Variants in SIDT2 observed in about 807,000 individuals in gnomAD.
SIDT2 encodes the protein SID1 transmembrane family, member 2.
Under a neutral mutation model 114.4 loss-of-function variants are expected in SIDT2, and 68 were observed. The observed-to-expected ratio is 0.59, with a 90% CI of 0.49 to 0.73. The LOEUF (loss-of-function observed/expected upper bound fraction) is 0.73, where lower values mean the gene tolerates loss of function less well. Ranked by LOEUF, SIDT2 falls within the 30% of genes least tolerant of loss-of-function variation. The pLI is 0.00. For missense variants in SIDT2, 918 were observed against 1,097.1 expected, an observed-to-expected ratio of 0.84 and a Z score of 2.31; for synonymous variants, 470 against 438.4, an observed-to-expected ratio of 1.07 and a Z score of -0.90.
rs906136523 is a variant in SIDT2 at position 117,179,027 on chromosome 11, G to C, written c.-237G>C. 20 of 553,194 alleles carry C rather than the reference G, an allele frequency of 3.6e-5. No homozygotes were observed. The highest frequency in any genetic ancestry group is 1.7e-4 in the Admixed American group (5 of 29,448). The allele number at this position is 553,194 out of a possible 1,614,324, so 34.3% of individuals were successfully genotyped here. A position where few individuals can be genotyped will look rare whatever the true frequency, so the allele number is the denominator to read the frequency against. On this transcript the variant is annotated 5_prime_UTR_variant, in exon 1 of 26. Transcript: ENST00000324225. ...TCGCGAGCTGGGACCCCTTCCCGTA[G>C]CCAGCATCCCCTCCCTCCCCGCCCC... is the stretch of plus-strand genomic sequence containing the variant.
intron 5 of SIDT2, 49 bp downstream of exon 5, chr11:117,182,669 A>G (rs762858913): frequency 6.2e-7 from 1 of 1,613,914 alleles, no homozygotes; most frequent in Non-Finnish European, 8.5e-7. Flanking sequence ...CAGGGCTGCT[A>G]AAGAGAGGGG....
chr11:117,192,539 C>G lies in SIDT2; in HGVS notation c.1982-35C>G. 6.2e-7 allele frequency: 1 copy of G among 1,603,094 alleles called. No individual in the cohort carries two copies. The highest frequency in any genetic ancestry group is 1.7e-4 in the Middle Eastern group (1 of 6,056). On this transcript the variant is annotated intron_variant, in intron 20 of 25. Coordinates refer to ENST00000324225, the MANE Select transcript of SIDT2 (RefSeq NM_001040455.2). The surrounding 1 kb of genome is among the most constrained non-coding windows in gnomAD (Gnocchi z 5.9). ...CAGGGGTCCAGCAAAGGAGGGTGCCCCGTGCCTGTCAGCACCACTCCCTTC... is the reference window on the plus strand; with the variant it reads ...CAGGGGTCCAGCAAAGGAGGGTGCCGCGTGCCTGTCAGCACCACTCCCTTC...
rs528580241 is a variant in SIDT2 at position 117,187,620 on chromosome 11, C to T, written c.1088-8C>T. The T allele has an allele frequency of 3.9e-5, 63 of 1,614,056 alleles. 1 individual carries two copies. In the South Asian group the frequency reaches 6.6e-4, roughly 17 times the overall value. Reference sequence around the variant, plus strand: ...CCTTCCTGCCTCACCACTGATCGTTCCCCACAGAGAATGTTTCTGGATCTA... The same window carrying T: ...CCTTCCTGCCTCACCACTGATCGTTTCCCACAGAGAATGTTTCTGGATCTA... On this transcript the variant is annotated splice_region_variant and splice_polypyrimidine_tract_variant and intron_variant, in intron 11 of 25. Transcript: ENST00000324225.
chr11:117,186,870 G>A (rs1462551129), intron 10 of SIDT2: 15 of 1,227,166 alleles, frequency 1.2e-5, no homozygotes, highest in Middle Eastern at 1.9e-4. Flanking sequence ...TAGCGATGGT[G>A]TCTGCCTGCC....
Position 117,183,891 on chromosome 11 carries a change from C to G in SIDT2, c.802+13C>G. On this transcript the variant is annotated intron_variant, in intron 7 of 25. Coordinates refer to ENST00000324225, the MANE Select transcript of SIDT2 (RefSeq NM_001040455.2). ...CCCTTCGCAGAAGGTACATTTTGTG[C>G]CCTGGGCCTGGCTAGGGATGGGGAG... 1 of 1,603,524 alleles carries G rather than the reference C, an allele frequency of 6.2e-7. No individual in the cohort carries two copies. The highest frequency in any genetic ancestry group is 8.5e-7 in the Non-Finnish European group (1 of 1,170,464).
At position 117,190,334 on chromosome 11, in the gene SIDT2, A is replaced by G; in HGVS notation, c.1617+45A>G. The stretch of plus-strand genomic sequence containing the variant: ...CCTGCCGCAGCCTCAGCTCCAGCAC[A>G]GACCTCAAGCCTTGGCTCCAGGACA... On this transcript the variant is annotated intron_variant, in intron 17 of 25. Transcript: ENST00000324225. This position sits in a 1 kb window ranked among gnomAD's most constrained non-coding sequence, Gnocchi z 4.1. The G allele has an allele frequency of 6.6e-7, 1 of 1,522,304 alleles. No homozygotes were observed. The highest frequency in any genetic ancestry group is 2.3e-5 in the East Asian group (1 of 44,080). 94.3% of individuals were successfully genotyped at this position (1,522,304 alleles called of 1,614,324 possible).
Position 117,196,144 on chromosome 11 carries a change from T to C in SIDT2, c.*78T>C. 1 of 1,582,158 alleles carries C rather than the reference T, an allele frequency of 6.3e-7. No homozygotes were observed. ...ATAGACCGGTCACTCTGTCGTGCTG[T>C]GGGGATGAGTCCCAGCACCGCTGCC... On this transcript the variant is annotated 3_prime_UTR_variant, in exon 26 of 26. Transcript: ENST00000324225. This position sits in a 1 kb window ranked among gnomAD's most constrained non-coding sequence, Gnocchi z 4.9.
Position 117,190,481 on chromosome 11 carries a change from C to T in SIDT2, c.1618-142C>T, listed in dbSNP as rs143668212. On this transcript the variant is annotated intron_variant, in intron 17 of 25. Coordinates refer to ENST00000324225, the MANE Select transcript of SIDT2 (RefSeq NM_001040455.2). The surrounding 1 kb of genome is among the most constrained non-coding windows in gnomAD (Gnocchi z 4.1). ...GCCCTCCCTTGCCAGCCTGCCCAGG[C>T]CAGCCCACCCCTGCACACCCACACT... is the stretch of plus-strand genomic sequence containing the variant. The T allele has an allele frequency of 0.031, 31,075 of 1,011,118 alleles. 555 individuals carry two copies. The highest frequency in any genetic ancestry group is 0.034 in the Non-Finnish European group (24,241 of 712,356). 62.6% of individuals were successfully genotyped at this position (1,011,118 alleles called of 1,614,324 possible).
intron 1 of SIDT2, among the ~76,000 whole-genome samples, chr11:117,180,433 T>C (rs915500476): frequency 1.3e-5 from 2 of 151,844 alleles, no homozygotes; most frequent in Non-Finnish European, 2.9e-5. Flanking sequence ...AGCAGCCCAA[T>C]AACAAGCATT....
chr11:117,195,153 A>G (rs980981061), intron 24 of SIDT2, among the ~76,000 whole-genome samples: 2 of 148,584 alleles, frequency 1.3e-5, no homozygotes, highest in East Asian at 4.0e-4. Flanking sequence ...GCCCAGACCT[A>G]CTGTGACCTT....
intron 4 of SIDT2, 200 bp from the exon 5 acceptor site, chr11:117,182,319 C>T: frequency 1.4e-6 from 1 of 704,326 alleles, no homozygotes; most frequent in Non-Finnish European, 2.4e-6. Context: ...TGGCATTCTG[C>T]TGAGTGCCCT....
intron 18 of SIDT2, 81 bp from the exon 19 acceptor site, chr11:117,191,797 T>C (rs2030709811): frequency 6.4e-7 from 1 of 1,562,014 alleles, no homozygotes; most frequent in Non-Finnish European, 8.7e-7. Context: ...TCTCTCTTCC[T>C]CTGGGATTGT....
rs553158014 is a variant in SIDT2, at chr11:117,189,315, G to A, written c.1353-20G>A. Reference sequence around the variant, plus strand: ...AGCCTTGGGTGCCACCCACCTCACTGCCGCCCTCCTGCTCCGCAGGAACAT... The same window carrying A: ...AGCCTTGGGTGCCACCCACCTCACTACCGCCCTCCTGCTCCGCAGGAACAT... On this transcript the variant is annotated intron_variant, in intron 14 of 25. Coordinates refer to ENST00000324225, the MANE Select transcript of SIDT2 (RefSeq NM_001040455.2). The A allele has an allele frequency of 3.3e-5, 53 of 1,614,196 alleles. 2 individuals are homozygous for A. The South Asian group carries it at 5.5e-4, about 17-fold the overall frequency.
At chr11:117,179,480 T>TG in intron 1 of SIDT2, 34 bp downstream of exon 1, 1 of 1,591,182 alleles carries the variant, frequency 6.3e-7, no homozygotes, top group Non-Finnish European at 8.6e-7. Flanking sequence ...CAGAGGCGAG[T>TG]GGGGAAGCCG....
rs2030654654 is a variant in SIDT2 at position 117,190,385 on chromosome 11, C to T, written c.1617+96C>T. ...CCCTTTTGGGCAGGCCTGGCCCTGC[C>T]TTCCCCAGCTCTCCCCTCCCCAGTT... On this transcript the variant is annotated intron_variant, in intron 17 of 25. Coordinates refer to ENST00000324225, the MANE Select transcript of SIDT2 (RefSeq NM_001040455.2). This position sits in a 1 kb window ranked among gnomAD's most constrained non-coding sequence, Gnocchi z 4.1. The T allele has an allele frequency of 6.7e-7, 1 of 1,498,286 alleles. No homozygotes were observed. The highest frequency in any genetic ancestry group is 8.9e-7 in the Non-Finnish European group (1 of 1,124,654). The allele number at this position is 1,498,286 out of a possible 1,614,324, so 92.8% of individuals were successfully genotyped here.
Position 117,192,648 on chromosome 11 carries a change from G to A in SIDT2, c.2056G>A (p.Val686Met), listed in dbSNP as rs369754484. The A allele has an allele frequency of 5.6e-6, 9 of 1,612,512 alleles. No homozygotes were observed. The highest frequency in any genetic ancestry group is 2.2e-5 in the East Asian group (1 of 44,898). ...CIRQCSGPLY[V>M]DRMVLLVMGN... ...CCGGCAGTGCAGCGGGCCGCTCTAC[G>A]TGGTACCTGCCTGGTTCCCCTGCTC... The change falls in exon 21 of 26, where the codon GTG (valine) becomes ATG (methionine). Residue 686 changes from valine to methionine, a missense_variant and splice_region_variant. This residue lies in a region of SIDT2 where 275 missense variants were observed against 397.6 expected (regional missense o/e 0.69). Transcript: ENST00000324225. This position sits in a 1 kb window ranked among gnomAD's most constrained non-coding sequence, Gnocchi z 5.9.
chr11:117,195,880 T>G lies in SIDT2; in HGVS notation c.2401T>G (p.Phe801Val), dbSNP rs1466468862. 1 of 1,614,222 alleles carries G rather than the reference T, an allele frequency of 6.2e-7. No homozygotes were observed. Among genetic ancestry groups the G allele is most frequent in the South Asian group, 1.1e-5 (1 of 91,092 alleles). The change falls in exon 25 of 26, where the codon TTC becomes GTC. Residue 801 changes from phenylalanine (F) to valine (V), a missense_variant. Transcript: ENST00000324225. ...CTTTGACGACCACGACATCTGGCAC[T>G]TCCTCTCCTCCATCGCCATGTTCGG... is the stretch of plus-strand genomic sequence containing the variant. ...DFFDDHDIWH[F>V]LSSIAMFGSF...
chr11:117,190,751 C>T lies in SIDT2; in HGVS notation c.1735+11C>T, dbSNP rs17120419. On this transcript the variant is annotated intron_variant, in intron 18 of 25. Transcript: ENST00000324225. The surrounding 1 kb of genome is among the most constrained non-coding windows in gnomAD (Gnocchi z 4.1). Reference sequence around the variant, plus strand: ...CCAATTTCCAGTTTGGTGAGTGGGGCGTCCTTCTTTTCTGGCTCAACCTAC... The same window carrying T: ...CCAATTTCCAGTTTGGTGAGTGGGGTGTCCTTCTTTTCTGGCTCAACCTAC... 63,473 of 1,602,504 alleles carry T rather than the reference C, an allele frequency of 0.04. 1,576 individuals carry two copies. Among genetic ancestry groups the T allele is most frequent in the Middle Eastern group, 0.088 (528 of 6,024 alleles).
intron 8 of SIDT2, among the ~76,000 whole-genome samples, chr11:117,185,338 G>A (rs938609636): frequency 2.3e-4 from 35 of 151,982 alleles, no homozygotes; most frequent in African/African-American, 7.7e-4. Flanking sequence ...GTGAGCCACC[G>A]CGCCCGGCCA....
Sources: allele counts gnomAD v4.1 joint callset (sites outside exome capture counted in the v4.1 genomes callset), GRCh38; gene constraint gnomAD v4.1.1; regional missense constraint gnomAD v4.1.1; non-coding constraint Gnocchi (gnomAD v3.1); transcripts MANE v1.5; gene names NCBI Gene and HGNC (gene_info 2026-07-23, HGNC 2026-07-21).